The following WDR93 variants were observed in gnomAD, a reference collection of about 807,000 sequenced individuals.
The protein encoded by WDR93 is WD repeat-containing protein 93.
A neutral mutation model predicts 82.9 loss-of-function variants in WDR93; 73 were observed. That is an observed-to-expected ratio of 0.88 (90% CI 0.73 to 1.07). WDR93 has a LOEUF of 1.07. Ranked by LOEUF, WDR93 falls within the 50% of genes least tolerant of loss-of-function variation. The probability of loss-of-function intolerance (pLI) is 0.00; values close to 1 mark genes in which losing one functional copy is unlikely to be tolerated. For missense variants in WDR93, 738 were observed against 826.0 expected, an observed-to-expected ratio of 0.89 and a Z score of 1.31; for synonymous variants, 283 against 300.1, an observed-to-expected ratio of 0.94 and a Z score of 0.59.
At chr15:89,722,232 G>A (rs545248284) in intron 8 of WDR93, 93 bp downstream of exon 8, 7 of 1,045,016 alleles carry the variant, frequency 6.7e-6, no homozygotes, top group Admixed American at 2.7e-5. Flanking sequence ...TATTAGCAAC[G>A]ATATCAAAAT....
rs142722619 is a variant in WDR93, at chr15:89,739,031, G to A, written c.1961+795G>A. Among the ~76,000 whole-genome samples, 5 of 151,700 alleles carry A rather than the reference G, an allele frequency of 3.3e-5. No homozygotes were observed. The East Asian group carries it at 5.8e-4, about 18-fold the overall frequency. ...CTGGAGGCTGAGGTGGGGGAGAATT[G>A]CTTGAACCTGGGAGGCAGAGGATGC... On this transcript the variant is annotated intron_variant, in intron 16 of 16. Coordinates refer to ENST00000268130, the MANE Select transcript of WDR93 (RefSeq NM_020212.2).
At position 89,695,813 on chromosome 15, in the gene WDR93, C is replaced by CTTTTT. The variant is rs58664153; in HGVS notation, c.-41+4973_-41+4977dup. ...CTCCAAAAAACTCCCTCATGCTGTC[C>CTTTTT]TTTTTTTTTTTTTTTTTTTTTGAGA... On this transcript the variant is annotated intron_variant, in intron 1 of 16. Coordinates refer to ENST00000268130, the MANE Select transcript of WDR93 (RefSeq NM_020212.2). Among the ~76,000 whole-genome samples the CTTTTT allele has an allele frequency of 3.1e-3, 310 of 99,282 alleles. 5 individuals carry two copies. Among genetic ancestry groups the CTTTTT allele is most frequent in the Non-Finnish European group, 3.8e-3 (199 of 52,514 alleles). 65.1% of individuals were successfully genotyped at this position (99,282 alleles called of 152,430 possible).
intron 11 of WDR93, among the ~76,000 whole-genome samples, chr15:89,731,074 A>G (rs1966854741): frequency 2.0e-5 from 3 of 152,278 alleles, no homozygotes; most frequent in South Asian, 4.1e-4. Flanking sequence ...TACTGACTGT[A>G]TGGCCTTGAG....
chr15:89,725,570 C>CTTTTTTTTTTTTTT (rs58934154), intron 8 of WDR93, among the ~76,000 whole-genome samples: 1 of 141,504 alleles, frequency 7.1e-6, no homozygotes, highest in Admixed American at 7.1e-5. Flanking sequence ...TTTTTCTTTT[C>CTTTTTTTTTTTTTT]TTTTTTTTTT....
chr15:89,691,854 T>C (rs1182953411), intron 1 of WDR93, among the ~76,000 whole-genome samples: 1 of 152,258 alleles, frequency 6.6e-6, no homozygotes, highest in Admixed American at 6.5e-5. Context: ...TTAAATATTT[T>C]AGTTATAAAT....
chr15:89,698,046 A>ATT (rs1211509689), intron 1 of WDR93, among the ~76,000 whole-genome samples: 1 of 145,166 alleles, frequency 6.9e-6, no homozygotes, highest in African/African-American at 2.5e-5. Context: ...CGCCCGGCTG[A>ATT]TTTTTTTTTT....
upstream of WDR93, among the ~76,000 whole-genome samples, chr15:89,690,373 C>G (rs973346245): frequency 6.6e-6 from 1 of 152,124 alleles, no homozygotes; most frequent in African/African-American, 2.4e-5. Context: ...GGGGCTAGGA[C>G]GGGACGCGGG....
At chr15:89,700,526 GA>G (rs1965403382) in intron 1 of WDR93, among the ~76,000 whole-genome samples, 1 of 148,486 alleles carries the variant, frequency 6.7e-6, no homozygotes, top group East Asian at 2.0e-4. Context: ...TGTAACATAT[GA>G]AAGCCTTTTT....
chr15:89,703,147 T>C lies in WDR93; in HGVS notation c.496+5T>C. ...TTGCTCCTGTGGATGAAATGGGTAT[T>C]GTTCTTCATCTTCCTTTTTAGCCTC... On this transcript the variant is annotated splice_donor_5th_base_variant and intron_variant, in intron 3 of 16. Coordinates refer to ENST00000268130, the MANE Select transcript of WDR93 (RefSeq NM_020212.2). The C allele has an allele frequency of 5.0e-6, 8 of 1,614,110 alleles. No individual in the cohort carries two copies. Among genetic ancestry groups the C allele is most frequent in the Non-Finnish European group, 6.8e-6 (8 of 1,179,956 alleles).
At chr15:89,731,230 T>C (rs955215960) in intron 11 of WDR93, among the ~76,000 whole-genome samples, 9 of 152,194 alleles carry the variant, frequency 5.9e-5, no homozygotes, top group African/African-American at 2.2e-4. Context: ...ACATTAGCTG[T>C]AGAGTAATAA....
rs867505367 is a variant in WDR93 at position 89,729,220 on chromosome 15, G to T, written c.1123+127G>T. 1.8e-4 allele frequency: 156 copies of T among 878,552 alleles called. No individual in the cohort carries two copies. In the African/African-American group the frequency reaches 2.3e-3, roughly 13 times the overall value. 54.4% of individuals were successfully genotyped at this position (878,552 alleles called of 1,614,324 possible). On this transcript the variant is annotated intron_variant, in intron 10 of 16. Transcript: ENST00000268130. Reference sequence around the variant, plus strand: ...TAGGAGGGAATGAAGAGGGGAGTTTGGTTGCCAGCTGTAGCCTGTCAGTTT... The same window carrying T: ...TAGGAGGGAATGAAGAGGGGAGTTTTGTTGCCAGCTGTAGCCTGTCAGTTT...
At chr15:89,729,158 G>T in intron 10 of WDR93, 65 bp downstream of exon 10, 1 of 1,454,936 alleles carries the variant, frequency 6.9e-7, no homozygotes. Context: ...CCCTCAGCAA[G>T]CCCCCACAGA....
chr15:89,715,177 G>C, intron 6 of WDR93, 82 bp downstream of exon 6: 10 of 1,195,022 alleles, frequency 8.4e-6, no homozygotes, highest in Non-Finnish European at 1.2e-5. Flanking sequence ...GAAACTTATG[G>C]TGAATGAGGC....
chr15:89,707,376 C>T (rs1193666029), intron 4 of WDR93, among the ~76,000 whole-genome samples: 1 of 152,096 alleles, frequency 6.6e-6, no homozygotes, highest in Non-Finnish European at 1.5e-5. Context: ...CATGGTGAAA[C>T]CCCATCTCTA....
chr15:89,739,468 C>T (rs1449418890), intron 16 of WDR93, among the ~76,000 whole-genome samples: 3 of 152,190 alleles, frequency 2.0e-5, no homozygotes, highest in Admixed American at 1.3e-4. Flanking sequence ...TTCCACTCTC[C>T]CTAATCCTGC....
At chr15:89,735,849 G>A (rs896730373) in intron 14 of WDR93, among the ~76,000 whole-genome samples, 4 of 152,194 alleles carry the variant, frequency 2.6e-5, no homozygotes, top group African/African-American at 9.7e-5. Flanking sequence ...ACCTGCAGAA[G>A]TTGGCAGCAG....
chr15:89,722,162 T>G (rs757318818), intron 8 of WDR93, 23 bp downstream of exon 8: 5 of 1,501,312 alleles, frequency 3.3e-6, no homozygotes, highest in Non-Finnish European at 4.6e-6. Context: ...CAAATCTCTC[T>G]CCTTTTGCCA....
chr15:89,709,617 A>C (rs1378542328), intron 4 of WDR93, among the ~76,000 whole-genome samples: 2 of 152,044 alleles, frequency 1.3e-5, no homozygotes, highest in Non-Finnish European at 2.9e-5. Context: ...CAAAAGACTT[A>C]AACTGACATT....
chr15:89,735,348 CT>C, intron 13 of WDR93, 141 bp from the exon 14 acceptor site: 1 of 700,698 alleles, frequency 1.4e-6, no homozygotes, highest in Non-Finnish European at 2.4e-6. Flanking sequence ...TTGGATTGTT[CT>C]TAATTTTTTG....
Sources: allele counts gnomAD v4.1 joint callset (sites outside exome capture counted in the v4.1 genomes callset), GRCh38; gene constraint gnomAD v4.1.1; transcripts MANE v1.5; gene names NCBI Gene and HGNC (gene_info 2026-07-23, HGNC 2026-07-21).